The following ADGRL2 variants were observed in gnomAD, a reference collection of about 807,000 sequenced individuals.
ADGRL2 encodes adhesion G protein-coupled receptor L2.
ADGRL2 carries 44 observed loss-of-function variants against 157.4 expected under a neutral mutation model. That is an observed-to-expected ratio of 0.28 (90% CI 0.22 to 0.36). The LOEUF (loss-of-function observed/expected upper bound fraction) is 0.36, where lower values mean the gene tolerates loss of function less well. Among genes scored for constraint, ADGRL2 ranks in the 10% least tolerant of loss-of-function variants. The pLI, the probability that ADGRL2 is intolerant of heterozygous loss-of-function variation, is 1.00. For missense variants in ADGRL2, 1,510 were observed against 1,768.9 expected (o/e 0.85, Z 2.63); for synonymous variants, 585 against 624.7 (o/e 0.94, Z 0.95).
chr1:81,798,379 C>T (rs551267765), upstream of ADGRL2, among the ~76,000 whole-genome samples: 2 of 151,982 alleles, frequency 1.3e-5, no homozygotes, highest in East Asian at 1.9e-4. Flanking sequence ...TGAAGTATTA[C>T]CTCTAAAGAA....
At chr1:81,872,776 G>A (rs1296534262) in intron 2 of ADGRL2, among the ~76,000 whole-genome samples, 1 of 152,000 alleles carries the variant, frequency 6.6e-6, no homozygotes, top group African/African-American at 2.4e-5. Context: ...GGATTTTTAA[G>A]GACTAATACA....
chr1:81,526,753 C>T (rs979103371), intron 2 of ADGRL2, among the ~76,000 whole-genome samples: 1 of 152,114 alleles, frequency 6.6e-6, no homozygotes, highest in Non-Finnish European at 1.5e-5. Flanking sequence ...GTCAGTAATG[C>T]CCAGAGGAAA....
At chr1:81,379,087 C>A (rs1355906580) in intron 1 of ADGRL2, among the ~76,000 whole-genome samples, 1 of 152,162 alleles carries the variant, frequency 6.6e-6, no homozygotes, top group Non-Finnish European at 1.5e-5. Context: ...TCATTCTCTA[C>A]CTCCTTCCCC....
intron 2 of ADGRL2, among the ~76,000 whole-genome samples, chr1:81,845,713 CCT>C (rs543428820): frequency 4.6e-5 from 7 of 151,334 alleles, no homozygotes; most frequent in Non-Finnish European, 4.4e-5. Context: ...TTGATAATCC[CCT>C]TTTTTCATTT....
intron 3 of ADGRL2, among the ~76,000 whole-genome samples, chr1:81,600,583 C>G (rs2081315491): frequency 6.6e-6 from 1 of 152,278 alleles, no homozygotes; most frequent in South Asian, 2.1e-4. Flanking sequence ...AATTTTATAT[C>G]TGGAAGATAA....
intron 2 of ADGRL2, among the ~76,000 whole-genome samples, chr1:81,791,066 C>CAAAAAAAAAA (rs11411906): frequency 2.7e-5 from 1 of 37,462 alleles, no homozygotes. Context: ...GACCCTATCT[C>CAAAAAAAAAA]AAAAAAAAAA....
At chr1:81,326,743 G>C (rs1040002067) in intron 1 of ADGRL2, among the ~76,000 whole-genome samples, 2 of 152,144 alleles carry the variant, frequency 1.3e-5, no homozygotes, top group African/African-American at 4.8e-5. Flanking sequence ...AATCCAGACA[G>C]TTATATCTTC....
At chr1:81,632,530 G>A (rs1392560724) in intron 3 of ADGRL2, among the ~76,000 whole-genome samples, 1 of 151,928 alleles carries the variant, frequency 6.6e-6, no homozygotes, top group African/African-American at 2.4e-5. Flanking sequence ...AGGCCGAGGC[G>A]GGCAGATCAT....
intron 2 of ADGRL2, among the ~76,000 whole-genome samples, chr1:81,482,578 CTGAG>C (rs1469317701): frequency 6.6e-6 from 1 of 152,092 alleles, no homozygotes; most frequent in East Asian, 1.9e-4. Context: ...TAAGAACTCA[CTGAG>C]TATTTTACTT....
chr1:81,897,952 G>T (rs2094422065), intron 2 of ADGRL2, among the ~76,000 whole-genome samples: 1 of 151,884 alleles, frequency 6.6e-6, no homozygotes, highest in African/African-American at 2.4e-5. Flanking sequence ...AGCTTATTTA[G>T]CTGGGCATGG....
intron 1 of ADGRL2, among the ~76,000 whole-genome samples, chr1:81,727,025 T>C (rs750185679): frequency 1.3e-5 from 2 of 152,232 alleles, no homozygotes; most frequent in East Asian, 3.8e-4. Context: ...AATCAGTTTA[T>C]AGATATTGCT....
At chr1:81,540,476 C>T (rs982437371) in intron 2 of ADGRL2, among the ~76,000 whole-genome samples, 1 of 152,128 alleles carries the variant, frequency 6.6e-6, no homozygotes, top group Non-Finnish European at 1.5e-5. Context: ...AAATGCATAG[C>T]AAGTGCTTGA....
intron 2 of ADGRL2, among the ~76,000 whole-genome samples, chr1:81,531,346 C>A (rs1370197002): frequency 6.6e-6 from 1 of 152,046 alleles, no homozygotes; most frequent in Non-Finnish European, 1.5e-5. Context: ...AACTTTTGAA[C>A]CTATATACTG....
chr1:81,932,266 C>A (rs2095244481), intron 3 of ADGRL2, among the ~76,000 whole-genome samples: 1 of 152,120 alleles, frequency 6.6e-6, no homozygotes, highest in Non-Finnish European at 1.5e-5. Context: ...AAAATTGGTT[C>A]ATATGTGATG....
chr1:81,911,982 C>CA (rs914864937), intron 3 of ADGRL2, among the ~76,000 whole-genome samples: 2 of 151,118 alleles, frequency 1.3e-5, no homozygotes, highest in South Asian at 2.1e-4. Context: ...AGCTTTTAAC[C>CA]AAAAAAATTT....
At chr1:81,490,378 G>T (rs553370400) in intron 2 of ADGRL2, among the ~76,000 whole-genome samples, 9 of 152,080 alleles carry the variant, frequency 5.9e-5, no homozygotes, top group African/African-American at 2.2e-4. Flanking sequence ...GTGATCCACC[G>T]GCCCTGGCCT....
intron 1 of ADGRL2, among the ~76,000 whole-genome samples, chr1:81,410,588 C>G (rs541935754): frequency 7.8e-4 from 119 of 152,274 alleles, no homozygotes; most frequent in Non-Finnish European, 1.4e-3. Context: ...CTCCTGTACT[C>G]CTTCAGGCAG....
intron 1 of ADGRL2, among the ~76,000 whole-genome samples, chr1:81,757,949 A>G (rs1163235377): frequency 6.6e-6 from 1 of 152,182 alleles, no homozygotes; most frequent in African/African-American, 2.4e-5. Context: ...TCAAAACCAA[A>G]CTAAGTAAAA....
intron 1 of ADGRL2, among the ~76,000 whole-genome samples, chr1:81,745,804 T>A (rs1395510733): frequency 9.9e-5 from 15 of 152,148 alleles, no homozygotes. Flanking sequence ...TTTGGGTTGT[T>A]TCTCCCTCCC....
Sources: gnomAD v4.1 joint callset for allele counts (sites outside exome capture counted in the v4.1 genomes callset) on GRCh38, gnomAD v4.1.1 for gene constraint, MANE v1.5 for transcripts, NCBI Gene and HGNC (gene_info 2026-07-23, HGNC 2026-07-21) for gene names.